The following ACTR3C variants were observed in gnomAD, a reference collection of about 807,000 sequenced individuals.
The protein encoded by ACTR3C is actin-related protein 3C.
In ACTR3C, 18 loss-of-function variants were observed where a neutral mutation model predicts 26.3. The ratio of observed to expected loss-of-function variants is 0.68; its 90% CI spans 0.47 to 1.01. ACTR3C has a LOEUF of 1.01. ACTR3C is among the 50% of genes least tolerant of loss of function. The pLI is 0.00. For synonymous variants in ACTR3C, 55 were observed against 94.5 expected, an observed-to-expected ratio of 0.58 and a Z score of 2.42; for missense variants, 184 against 250.7, an observed-to-expected ratio of 0.73 and a Z score of 1.80.
chr7:150,143,390 A>G, the ACTR3C span, among the ~76,000 whole-genome samples: 1 of 152,134 alleles, frequency 6.6e-6, no homozygotes, highest in African/African-American at 2.4e-5. Context: ...TCGTGGGGGA[A>G]TTGACTGCAG....
chr7:149,926,750 G>A, the ACTR3C span, among the ~76,000 whole-genome samples: 1 of 152,106 alleles, frequency 6.6e-6, no homozygotes, highest in Non-Finnish European at 1.5e-5. Flanking sequence ...CAAGTCACTG[G>A]AACTGGGAGT....
chr7:150,299,857 T>C (rs1795285518), intron 1 of ACTR3C, among the ~76,000 whole-genome samples: 1 of 152,092 alleles, frequency 6.6e-6, no homozygotes, highest in Non-Finnish European at 1.5e-5. Context: ...AGTTTCAGTT[T>C]TGCAAGATGG....
chr7:150,021,681 C>T, the ACTR3C span, among the ~76,000 whole-genome samples: 1 of 145,528 alleles, frequency 6.9e-6, no homozygotes, highest in East Asian at 2.0e-4. Context: ...TTTGCACCCT[C>T]ATAGCTGAGC....
At chr7:150,003,464 G>C in the ACTR3C span, among the ~76,000 whole-genome samples, 1 of 152,268 alleles carries the variant, frequency 6.6e-6, no homozygotes, top group Non-Finnish European at 1.5e-5. Flanking sequence ...TGTAGTATGT[G>C]TTGTGTGTGG....
chr7:149,973,702 C>G, the ACTR3C span, among the ~76,000 whole-genome samples: 1 of 151,192 alleles, frequency 6.6e-6, no homozygotes, highest in Non-Finnish European at 1.5e-5. Context: ...TTCTTTATTA[C>G]GGTTTGTTTC....
chr7:149,907,478 T>TCTCTTCTCTCTCCTCTC, the ACTR3C span, among the ~76,000 whole-genome samples: 1 of 97,688 alleles, frequency 1.0e-5, no homozygotes, highest in Non-Finnish European at 2.1e-5. Flanking sequence ...CTCTCTTCTC[T>TCTCTTCTCTCTCCTCTC]TCTCTCTCTC....
At chr7:150,163,433 TATAC>T in the ACTR3C span, among the ~76,000 whole-genome samples, 2 of 151,498 alleles carry the variant, frequency 1.3e-5, no homozygotes, top group Non-Finnish European at 2.9e-5. Flanking sequence ...TGTTTGTATA[TATAC>T]ATATATATAC....
At chr7:150,297,085 G>C (rs920062735) in intron 1 of ACTR3C, among the ~76,000 whole-genome samples, 2 of 151,732 alleles carry the variant, frequency 1.3e-5, no homozygotes, top group African/African-American at 4.9e-5. Context: ...ACACCCCTAC[G>C]ACAGGGAAAG....
At chr7:150,077,539 T>C in the ACTR3C span, among the ~76,000 whole-genome samples, 1 of 151,908 alleles carries the variant, frequency 6.6e-6, no homozygotes, top group African/African-American at 2.4e-5. Context: ...GAATCCTGAG[T>C]GTTAGGTGAA....
chr7:150,042,519 G>C, the ACTR3C span, among the ~76,000 whole-genome samples: 4 of 147,862 alleles, frequency 2.7e-5, no homozygotes, highest in African/African-American at 5.0e-5. Context: ...CGCCCCCTGC[G>C]ATAGTGGTCC....
At chr7:150,112,985 G>A in the ACTR3C span, among the ~76,000 whole-genome samples, 2 of 152,134 alleles carry the variant, frequency 1.3e-5, no homozygotes, top group African/African-American at 4.8e-5. Context: ...CTGTGAAGGA[G>A]GATGCCATTT....
chr7:149,890,986 T>G, the ACTR3C span: 1 of 404,864 alleles, frequency 2.5e-6, no homozygotes, highest in Non-Finnish European at 4.4e-6. Flanking sequence ...TAGAGCTGCC[T>G]CACTTGGGCT....
intron 1 of ACTR3C, among the ~76,000 whole-genome samples, chr7:150,308,150 C>T (rs955875244): frequency 6.6e-6 from 1 of 152,132 alleles, no homozygotes; most frequent in Non-Finnish European, 1.5e-5. Context: ...ACCTTGGTGG[C>T]AAGTACAACC....
At chr7:150,163,352 TTG>T in the ACTR3C span, among the ~76,000 whole-genome samples, 29 of 135,450 alleles carry the variant, frequency 2.1e-4, no homozygotes, top group Middle Eastern at 3.5e-3. Context: ...ACATATATCC[TTG>T]TGTGTGTGTG....
chr7:149,963,825 CT>C, the ACTR3C span, among the ~76,000 whole-genome samples: 1 of 152,306 alleles, frequency 6.6e-6, no homozygotes, highest in East Asian at 1.9e-4. Flanking sequence ...TTTTTAAAGA[CT>C]AAATAAAATA....
the ACTR3C span, among the ~76,000 whole-genome samples, chr7:150,212,815 A>G: frequency 1.3e-5 from 2 of 151,990 alleles, no homozygotes; most frequent in South Asian, 4.2e-4. Flanking sequence ...ACCACAAAAC[A>G]GCCTCGTATA....
At chr7:149,900,237 G>A in the ACTR3C span, among the ~76,000 whole-genome samples, 1,775 of 151,952 alleles carry the variant, frequency 0.012, 14 homozygotes, top group Non-Finnish European at 0.018. Flanking sequence ...GTGCAGTGGC[G>A]CGATCTCAGC....
At chr7:150,039,806 C>T in the ACTR3C span, among the ~76,000 whole-genome samples, 5 of 133,312 alleles carry the variant, frequency 3.8e-5, no homozygotes, top group African/African-American at 8.2e-5. Flanking sequence ...GCTCTCAGTC[C>T]CTGCCTCGCG....
chr7:150,256,934 C>T (rs1406365305), intron 6 of ACTR3C, among the ~76,000 whole-genome samples: 1 of 152,044 alleles, frequency 6.6e-6, no homozygotes, highest in African/African-American at 2.4e-5. Context: ...ATATTAAAAA[C>T]CTTAATAAAC....
Sources: gnomAD v4.1 joint callset for allele counts (sites outside exome capture counted in the v4.1 genomes callset) on GRCh38, gnomAD v4.1.1 for gene constraint, MANE v1.5 for transcripts, NCBI Gene and HGNC (gene_info 2026-07-23, HGNC 2026-07-21) for gene names.